Variants in ZNF385C observed in about 807,000 individuals in gnomAD.
ZNF385C encodes CTD-2132N18.2.
A neutral mutation model predicts 35.4 loss-of-function variants in ZNF385C; 28 were observed. The ratio of observed to expected loss-of-function variants is 0.79; its 90% confidence interval spans 0.59 to 1.08. ZNF385C has a LOEUF of 1.08. Among genes scored for constraint, ZNF385C ranks in the 50% least tolerant of loss-of-function variants. The pLI is 0.00. For synonymous variants in ZNF385C, 248 were observed against 248.2 expected, an observed-to-expected ratio of 1.00 and a Z score of 0.01; for missense variants, 605 against 595.6, an observed-to-expected ratio of 1.02 and a Z score of -0.16.
intron 1 of ZNF385C, among the ~76,000 whole-genome samples, chr17:42,063,692 G>T (rs1417708252): frequency 6.6e-6 from 1 of 152,180 alleles, no homozygotes; most frequent in Non-Finnish European, 1.5e-5. Flanking sequence ...TGGAGGAAAG[G>T]TGGTCACTGA....
At chr17:42,039,827 C>G (rs1233696105) in intron 2 of ZNF385C, 13 of 1,231,960 alleles carry the variant, frequency 1.1e-5, no homozygotes, top group Non-Finnish European at 1.3e-5. Flanking sequence ...ATGTGGCCCC[C>G]CCGGCCTTCC....
chr17:42,053,217 C>T (rs556856717), intron 2 of ZNF385C, among the ~76,000 whole-genome samples: 1 of 152,312 alleles, frequency 6.6e-6, no homozygotes, highest in East Asian at 1.9e-4. Flanking sequence ...GCCTCCAGGC[C>T]CTTGCCCCCA....
intron 2 of ZNF385C, among the ~76,000 whole-genome samples, chr17:42,047,002 A>T (rs1474030010): frequency 6.6e-6 from 1 of 150,730 alleles, no homozygotes; most frequent in Middle Eastern, 3.2e-3. Flanking sequence ...AACTGGGATT[A>T]CAGGCACATG....
intron 2 of ZNF385C, among the ~76,000 whole-genome samples, chr17:42,044,707 T>C (rs2143691948): frequency 6.6e-6 from 1 of 152,156 alleles, no homozygotes; most frequent in Non-Finnish European, 1.5e-5. Context: ...CTCCATTCCT[T>C]ATACACACAG....
intron 8 of ZNF385C, 148 bp downstream of exon 8, chr17:42,027,470 G>T: frequency 1.4e-6 from 1 of 730,298 alleles, no homozygotes; most frequent in Non-Finnish European, 2.2e-6. Flanking sequence ...GCAGATCCCA[G>T]TTCCCAGGCC....
chr17:42,028,878 A>ATGC lies in ZNF385C; in HGVS notation c.869_871dup (p.Ser290dup). 6.4e-7 allele frequency: 1 copy of ATGC among 1,550,580 alleles called. No individual in the cohort carries two copies. The highest frequency in any genetic ancestry group is 8.7e-7 in the Non-Finnish European group (1 of 1,146,994). ...CTTCTCACTCCTGCCTTCCCCACTC[A>ATGC]TGCTGCTTCCCACGGCAGCTGCCGC... On this transcript the variant is annotated inframe_insertion, in exon 6 of 9. Coordinates refer to ENST00000692273, the MANE Select transcript of ZNF385C (RefSeq NM_001392013.1).
intron 2 of ZNF385C, 65 bp downstream of exon 2, chr17:42,062,742 G>T (rs2053481451): frequency 2.1e-6 from 1 of 481,588 alleles, no homozygotes; most frequent in Non-Finnish European, 3.7e-6. Flanking sequence ...GAGCCCCTCA[G>T]AGGGGCCCAG....
chr17:42,062,898 G>T lies in ZNF385C; in HGVS notation c.159C>A (p.Asn53Lys). Residue 53 changes from asparagine to lysine, a missense_variant, in exon 2 of 9, where the codon AAC becomes AAA. Transcript: ENST00000692273. ...TLCDVCNIQL[N>K]SAAQAQVHCG... ...AGTGCACCTGGGCCTGGGCCGCCGA[G>T]TTCAGCTGGATGTTGCAGACATCAC... The T allele has an allele frequency of 4.4e-6, 3 of 684,062 alleles. No homozygotes were observed. Among genetic ancestry groups the T allele is most frequent in the Non-Finnish European group, 5.3e-6 (2 of 375,896 alleles). 42.4% of individuals were successfully genotyped at this position (684,062 alleles called of 1,614,324 possible).
chr17:42,068,646 T>C (rs1272729162), intron 1 of ZNF385C, among the ~76,000 whole-genome samples: 1 of 152,236 alleles, frequency 6.6e-6, no homozygotes, highest in Non-Finnish European at 1.5e-5. Flanking sequence ...TGTGCCACCA[T>C]GCCCAAACAG....
intron 1 of ZNF385C, among the ~76,000 whole-genome samples, chr17:42,066,090 C>T (rs185396020): frequency 2.8e-4 from 43 of 152,208 alleles, no homozygotes; most frequent in African/African-American, 1.0e-3. Context: ...GACAGGGTCT[C>T]ACACTGTTGC....
chr17:42,049,370 C>T (rs189864171), intron 2 of ZNF385C, among the ~76,000 whole-genome samples: 3 of 152,132 alleles, frequency 2.0e-5, no homozygotes, highest in African/African-American at 4.8e-5. Flanking sequence ...TCTCCACCCC[C>T]CTTCTCATGC....
Position 42,038,010 on chromosome 17 carries a change from G to A in ZNF385C, c.251-125C>T, listed in dbSNP as rs782336147. On this transcript the variant is annotated intron_variant, in intron 2 of 8. Coordinates refer to ENST00000692273, the MANE Select transcript of ZNF385C (RefSeq NM_001392013.1). ...AACCTGTGTCTCTCTTCACAGAGTG[G>A]CACCAGCCAGACCCATAGTGATTAT... The A allele has an allele frequency of 3.3e-6, 5 of 1,536,936 alleles. No homozygotes were observed. The South Asian group carries it at 3.6e-5, about 11-fold the overall frequency.
At chr17:42,055,636 G>T (rs1192819656) in intron 2 of ZNF385C, among the ~76,000 whole-genome samples, 8 of 152,290 alleles carry the variant, frequency 5.3e-5, no homozygotes, top group African/African-American at 1.9e-4. Flanking sequence ...GGGAGAAAAC[G>T]GCAACCCAGG....
At chr17:42,088,248 G>T (rs2053829622) in intron 1 of ZNF385C, among the ~76,000 whole-genome samples, 1 of 152,204 alleles carries the variant, frequency 6.6e-6, no homozygotes, top group Non-Finnish European at 1.5e-5. Flanking sequence ...AGGAGACTGA[G>T]GACCCGGAGA....
At chr17:42,068,798 T>A (rs1215984515) in intron 1 of ZNF385C, among the ~76,000 whole-genome samples, 3 of 152,200 alleles carry the variant, frequency 2.0e-5, no homozygotes, top group Non-Finnish European at 4.4e-5. Flanking sequence ...CCCAAGTCCT[T>A]ACCCACTGCC....
At chr17:42,027,336 T>C (rs1555654332) in intron 8 of ZNF385C, among the ~76,000 whole-genome samples, 3 of 151,974 alleles carry the variant, frequency 2.0e-5, no homozygotes, top group Admixed American at 6.6e-5. Context: ...GGGAGGAAAG[T>C]CTCAGCATGG....
At chr17:42,044,564 C>T (rs1317868356) in intron 2 of ZNF385C, among the ~76,000 whole-genome samples, 2 of 151,100 alleles carry the variant, frequency 1.3e-5, no homozygotes, top group African/African-American at 2.4e-5. Flanking sequence ...TGCAGTGAGC[C>T]GAGATCACGC....
chr17:42,086,776 G>GT (rs1468084812), intron 1 of ZNF385C, among the ~76,000 whole-genome samples: 1 of 147,824 alleles, frequency 6.8e-6, no homozygotes, highest in East Asian at 2.0e-4. Flanking sequence ...AAACACAAAT[G>GT]TAAGTTTGTT....
Position 42,037,749 on chromosome 17 carries a change from G to C in ZNF385C, c.387C>G (p.Pro129=). The C allele has an allele frequency of 6.5e-7, 1 of 1,534,548 alleles. No homozygotes were observed. The highest frequency in any genetic ancestry group is 8.8e-7 in the Non-Finnish European group (1 of 1,140,156). Residue 129 remains proline, a synonymous_variant, in exon 3 of 9, where the codon CCC becomes CCG. Coordinates refer to ENST00000692273, the MANE Select transcript of ZNF385C (RefSeq NM_001392013.1). The stretch of plus-strand genomic sequence containing the variant: ...GCCCAGCCCATACCGTGCTGAAGTT[G>C]GGGAAGAGACTGAGCGGGGCAGCGC... The part of the protein sequence containing the change: ...FNGAAPLSLF[P]NFSTMDPVQK...
Sources: gnomAD v4.1 joint callset for allele counts (sites outside exome capture counted in the v4.1 genomes callset) on GRCh38, gnomAD v4.1.1 for gene constraint, MANE v1.5 for transcripts, NCBI Gene and HGNC (gene_info 2026-07-23, HGNC 2026-07-21) for gene names.